The following TSNARE1 variants were observed in gnomAD, a reference collection of about 807,000 sequenced individuals.
The protein encoded by TSNARE1 is t-SNARE domain containing 1, also known as t-SNARE domain-containing protein 1.
In TSNARE1, 49 loss-of-function variants were observed where a neutral mutation model predicts 62.0. The ratio of observed to expected loss-of-function variants is 0.79; its 90% CI spans 0.63 to 1.00. The LOEUF (loss-of-function observed/expected upper bound fraction) is 1.00. Ranked by LOEUF, TSNARE1 falls within the 50% of genes least tolerant of loss-of-function variation. TSNARE1 has a pLI of 0.00. For missense variants in TSNARE1, 755 were observed against 700.1 expected, an observed-to-expected ratio of 1.08 and a Z score of -0.88; for synonymous variants, 328 against 294.4, an observed-to-expected ratio of 1.11 and a Z score of -1.17.
chr8:142,373,345 A>G (rs1490794907), intron 1 of TSNARE1, among the ~76,000 whole-genome samples: 1 of 152,162 alleles, frequency 6.6e-6, no homozygotes, highest in East Asian at 1.9e-4. Context: ...TCAAAGGTCC[A>G]GCCAGGTCTC....
intron 11 of TSNARE1, among the ~76,000 whole-genome samples, chr8:142,281,677 G>A (rs1473128191): frequency 1.3e-5 from 2 of 152,076 alleles, no homozygotes; most frequent in Admixed American, 1.3e-4. Context: ...CTCTAGGGAA[G>A]CCAAGGGCAA....
chr8:142,348,129 G>C (rs1833621262), intron 2 of TSNARE1, among the ~76,000 whole-genome samples: 1 of 152,152 alleles, frequency 6.6e-6, no homozygotes. Flanking sequence ...AAAAAATAAA[G>C]ATCACAACAT....
At chr8:142,267,167 C>T (rs1819175984) in intron 12 of TSNARE1, among the ~76,000 whole-genome samples, 1 of 152,162 alleles carries the variant, frequency 6.6e-6, no homozygotes, top group African/African-American at 2.4e-5. Context: ...GTTGGATATT[C>T]CTCCTGGTTT....
intron 6 of TSNARE1, 90 bp from the exon 7 acceptor site, chr8:142,318,724 C>T (rs975219808): frequency 1.9e-4 from 236 of 1,226,856 alleles, no homozygotes; most frequent in Non-Finnish European, 1.1e-4. Context: ...CAGGGACGCA[C>T]GGGCCGAGTG....
At chr8:142,269,615 C>G (rs1252001982) in intron 12 of TSNARE1, 3 of 985,208 alleles carry the variant, frequency 3.0e-6, no homozygotes, top group Non-Finnish European at 3.6e-6. Flanking sequence ...AGGCATGAGC[C>G]ACTGTGCCCA....
chr8:142,375,539 T>A (rs778991088), intron 1 of TSNARE1, among the ~76,000 whole-genome samples: 10 of 152,200 alleles, frequency 6.6e-5, no homozygotes, highest in Non-Finnish European at 1.5e-4. Context: ...CAGGCAGGCC[T>A]GGCAGCAGCT....
intron 13 of TSNARE1, among the ~76,000 whole-genome samples, chr8:142,217,359 G>A (rs1815919672): frequency 8.3e-6 from 1 of 120,500 alleles, no homozygotes; most frequent in African/African-American, 2.9e-5. Flanking sequence ...AAGAAAGAAA[G>A]AAAGAAAGAA....
At chr8:142,278,793 C>T (rs1820923932) in intron 11 of TSNARE1, 1 of 985,446 alleles carries the variant, frequency 1.0e-6, no homozygotes. Flanking sequence ...ACGTGTGGGG[C>T]TTCCAAGTGG....
At chr8:142,270,081 G>A (rs1819384277) in intron 12 of TSNARE1, 1 of 985,306 alleles carries the variant, frequency 1.0e-6, no homozygotes, top group South Asian at 4.7e-5. Flanking sequence ...GGCCATGGGA[G>A]CCAGGCAGAG....
intron 1 of TSNARE1, among the ~76,000 whole-genome samples, chr8:142,358,199 T>A: frequency 1.3e-5 from 1 of 75,788 alleles, no homozygotes; most frequent in Admixed American, 1.3e-4. Flanking sequence ...GGCGGCGGGG[T>A]CTGCTGGGTT....
chr8:142,353,715 A>G lies in TSNARE1; in HGVS notation c.88+922T>C, dbSNP rs552939260. On this transcript the variant is annotated intron_variant, in intron 2 of 13. Transcript: ENST00000524325. ...CATTCCCTGAACAGGCCCCCTGGGG[A>G]CCAGAGCCCCGGCAAGAGCCAAGCA... 3.3e-5 allele frequency among the ~76,000 whole-genome samples: 5 copies of G among 151,984 alleles called. No homozygotes were observed. The East Asian group carries it at 9.8e-4, about 30-fold the overall frequency.
intron 10 of TSNARE1, among the ~76,000 whole-genome samples, chr8:142,298,555 G>A (rs901595143): frequency 5.3e-5 from 8 of 152,320 alleles, no homozygotes; most frequent in Non-Finnish European, 1.2e-4. Flanking sequence ...CAGGAGGCTG[G>A]AGGTGGGCCA....
At chr8:142,324,403 A>C (rs969197231) in intron 6 of TSNARE1, among the ~76,000 whole-genome samples, 3 of 152,148 alleles carry the variant, frequency 2.0e-5, no homozygotes, top group Admixed American at 2.0e-4. Flanking sequence ...ACTACCAGCC[A>C]GGTGGTGCCG....
At chr8:142,398,503 C>T (rs928706470) in intron 1 of TSNARE1, among the ~76,000 whole-genome samples, 13 of 152,104 alleles carry the variant, frequency 8.5e-5, no homozygotes, top group Admixed American at 4.6e-4. Flanking sequence ...CTCAACCTTG[C>T]TCTGTAAGGT....
Position 142,403,151 on chromosome 8 carries a change from A to G in TSNARE1, c.-87T>C, listed in dbSNP as rs968072793. Reference sequence around the variant, plus strand: ...CCGCTCCGGGCGCTCACGGCGGGCGAGGCGGGCGGGGCGGGCACCCAAACA... The same window carrying G: ...CCGCTCCGGGCGCTCACGGCGGGCGGGGCGGGCGGGGCGGGCACCCAAACA... On this transcript the variant is annotated 5_prime_UTR_variant, in exon 1 of 14. Coordinates refer to ENST00000524325, the MANE Select transcript of TSNARE1 (RefSeq NM_145003.5). The G allele has an allele frequency of 6.8e-6, 1 of 148,066 alleles. No individual in the cohort carries two copies. Among genetic ancestry groups the G allele is most frequent in the Non-Finnish European group, 1.5e-5 (1 of 66,232 alleles). 9.2% of individuals were successfully genotyped at this position (148,066 alleles called of 1,614,324 possible).
intron 1 of TSNARE1, among the ~76,000 whole-genome samples, chr8:142,390,215 CA>C (rs1339115163): frequency 2.0e-5 from 3 of 152,158 alleles, no homozygotes; most frequent in African/African-American, 7.2e-5. Flanking sequence ...AGGCCTGGGA[CA>C]TTACTGTACA....
rs368860903 is a variant in TSNARE1 at position 142,338,753 on chromosome 8, C to T, written c.745+5213G>A. On this transcript the variant is annotated intron_variant, in intron 4 of 13. Transcript: ENST00000524325. ...AAGCCCAGTCAAGACAGTGTGCAGC[C>T]TGACTTGGCTTGAGCTAGCGCTGGG... 1.5e-4 allele frequency among the ~76,000 whole-genome samples: 23 copies of T among 152,368 alleles called. No individual in the cohort carries two copies. In the East Asian group the frequency reaches 2.3e-3, roughly 15 times the overall value.
chr8:142,314,069 G>A (rs963335183), intron 9 of TSNARE1, among the ~76,000 whole-genome samples: 13 of 152,216 alleles, frequency 8.5e-5, no homozygotes, highest in South Asian at 8.3e-4. Context: ...GTGAGCCACC[G>A]CGCCCGGCCA....
At position 142,284,399 on chromosome 8, in the gene TSNARE1, G is replaced by C. The variant is rs747216748; in HGVS notation, c.1363+14C>G. 1 of 1,610,490 alleles carries C rather than the reference G, an allele frequency of 6.2e-7. No homozygotes were observed. Among genetic ancestry groups the C allele is most frequent in the Non-Finnish European group, 8.5e-7 (1 of 1,177,876 alleles). Reference sequence around the variant, plus strand: ...CGGGGCAGCAGGTGGCCCGAGGCTGGGGCGGGTACCCACCAACAGCTTCTC... The same window carrying C: ...CGGGGCAGCAGGTGGCCCGAGGCTGCGGCGGGTACCCACCAACAGCTTCTC... On this transcript the variant is annotated intron_variant, in intron 11 of 13. Transcript: ENST00000524325.
Sources: gnomAD v4.1 joint callset for allele counts (sites outside exome capture counted in the v4.1 genomes callset) on GRCh38, gnomAD v4.1.1 for gene constraint, MANE v1.5 for transcripts, NCBI Gene and HGNC (gene_info 2026-07-23, HGNC 2026-07-21) for gene names.